Variants in AKAP8 observed in about 807,000 individuals in gnomAD.
AKAP8 encodes A-kinase anchor protein 8.
In AKAP8, 24 loss-of-function variants were observed where a neutral mutation model predicts 67.5. The ratio of observed to expected loss-of-function variants is 0.36; its 90% CI spans 0.26 to 0.50. The LOEUF (loss-of-function observed/expected upper bound fraction) is 0.50. Among genes scored for constraint, AKAP8 ranks in the 20% least tolerant of loss-of-function variants. AKAP8 has a pLI of 0.97. For synonymous variants in AKAP8, 400 were observed against 371.1 expected (o/e 1.08, Z -0.90); for missense variants, 971 against 955.9 (o/e 1.02, Z -0.21).
chr19:15,359,026 C>T lies in AKAP8; in HGVS notation c.1564G>A (p.Val522Met), dbSNP rs764149757. The T allele has an allele frequency of 6.2e-7, 1 of 1,614,224 alleles. No individual in the cohort carries two copies. The highest frequency in any genetic ancestry group is 1.1e-5 in the South Asian group (1 of 91,084). The change falls in exon 13 of 14, where the codon GTG (valine) becomes ATG (methionine). Residue 522 changes from valine (V) to methionine (M), a missense_variant. Transcript: ENST00000269701. ...AEQFKKTSLH[V>M]AKSVLNNRHI... The stretch of plus-strand genomic sequence containing the variant: ...CTGTTGTTCAAAACACTCTTAGCCA[C>T]ATGGAGACTGGTTTTCTTGAACTGT...
chr19:15,356,713 T>C (rs996166555), intron 13 of AKAP8, among the ~76,000 whole-genome samples: 15 of 152,208 alleles, frequency 9.9e-5, no homozygotes, highest in African/African-American at 3.6e-4. Context: ...GAAACATGTT[T>C]TAAAATATGA....
chr19:15,375,890 G>A (rs1033194589), intron 2 of AKAP8, among the ~76,000 whole-genome samples: 101 of 151,636 alleles, frequency 6.7e-4, no homozygotes, highest in Middle Eastern at 3.4e-3. Context: ...TGCCCGCCTC[G>A]GCCTCCCAAA....
intron 4 of AKAP8, chr19:15,373,580 G>A (rs1385500721): frequency 4.2e-5 from 38 of 913,234 alleles, no homozygotes; most frequent in Non-Finnish European, 5.6e-5. Context: ...GGGGAGCTTA[G>A]CCAACAACCA....
At chr19:15,376,062 C>T (rs906600762) in intron 2 of AKAP8, among the ~76,000 whole-genome samples, 2 of 151,842 alleles carry the variant, frequency 1.3e-5, no homozygotes, top group African/African-American at 2.4e-5. Context: ...TCTGAGTGGC[C>T]GGGACTACAG....
intron 9 of AKAP8, among the ~76,000 whole-genome samples, chr19:15,366,420 C>T (rs1034080332): frequency 6.6e-6 from 1 of 152,072 alleles, no homozygotes; most frequent in African/African-American, 2.4e-5. Flanking sequence ...TGTTCCTGTA[C>T]CACTTAAGAA....
intron 2 of AKAP8, among the ~76,000 whole-genome samples, chr19:15,375,642 G>GTTTT (rs58762120): frequency 2.1e-5 from 3 of 142,464 alleles, no homozygotes; most frequent in African/African-American, 2.6e-5. Flanking sequence ...TTTTTTTTTT[G>GTTTT]TTTTTTTTTT....
At position 15,359,045 on chromosome 19, in the gene AKAP8, G is replaced by T; in HGVS notation, c.1545C>A (p.Phe515Leu). 1 of 1,614,144 alleles carries T rather than the reference G, an allele frequency of 6.2e-7. No homozygotes were observed. The highest frequency in any genetic ancestry group is 8.5e-7 in the Non-Finnish European group (1 of 1,180,022). ...TAGCCACATGGAGACTGGTTTTCTT[G>T]AACTGTTCAGCAGCCAACTGCAAAG... is the stretch of plus-strand genomic sequence containing the variant. ...NHNRRLAAEQ[F>L]KKTSLHVAKS... is the part of the protein sequence containing the mutation. The change falls in exon 13 of 14, where the codon TTC becomes TTA. Residue 515 changes from phenylalanine to leucine, a missense_variant. Transcript: ENST00000269701.
At position 15,375,782 on chromosome 19, in the gene AKAP8, G is replaced by A. The variant is rs540239256; in HGVS notation, c.59-1147C>T. On this transcript the variant is annotated intron_variant, in intron 2 of 13. Coordinates refer to ENST00000269701, the MANE Select transcript of AKAP8 (RefSeq NM_005858.4). ...CTCCGGAGTAGCTGGGACTACAGGCGCCCGCCACCGCGCCCGGCTAATTTT... is the reference window on the plus strand; with the variant it reads ...CTCCGGAGTAGCTGGGACTACAGGCACCCGCCACCGCGCCCGGCTAATTTT... Among the ~76,000 whole-genome samples, 7 of 151,834 alleles carry A rather than the reference G, an allele frequency of 4.6e-5. No individual in the cohort carries two copies. The South Asian group carries it at 6.2e-4, about 14-fold the overall frequency.
At chr19:15,360,459 C>T (rs1966946735) in intron 12 of AKAP8, among the ~76,000 whole-genome samples, 2 of 152,188 alleles carry the variant, frequency 1.3e-5, no homozygotes, top group Admixed American at 6.5e-5. Flanking sequence ...CAACACTTGA[C>T]CCCTGGGCTC....
At chr19:15,372,557 T>A (rs1967177405) in intron 5 of AKAP8, among the ~76,000 whole-genome samples, 1 of 151,888 alleles carries the variant, frequency 6.6e-6, no homozygotes, top group South Asian at 2.1e-4. Context: ...CGACTCCATT[T>A]GTGCAAAATG....
rs1599566218 is a variant in AKAP8, at chr19:15,368,832, T to G, written c.1073-510A>C. On this transcript the variant is annotated intron_variant, in intron 8 of 13. Transcript: ENST00000269701. ...AGGGCCTCAGCAGGTCTGACAGTCC[T>G]TGCTGGCCCGACCTCTATCTTCCAC... The G allele has an allele frequency of 1.5e-5, 15 of 985,276 alleles. No homozygotes were observed. In the South Asian group the frequency reaches 5.6e-4, roughly 37 times the overall value. 61.0% of individuals were successfully genotyped at this position (985,276 alleles called of 1,614,324 possible).
intron 1 of AKAP8, 44 bp from the exon 2 acceptor site, chr19:15,377,058 G>A (rs1023143867): frequency 2.9e-5 from 47 of 1,601,672 alleles, no homozygotes; most frequent in Non-Finnish European, 3.7e-5. Flanking sequence ...TGTCACACCA[G>A]AGAACGGGTC....
At chr19:15,370,056 C>T in intron 8 of AKAP8, 90 bp downstream of exon 8, 1 of 1,529,716 alleles carries the variant, frequency 6.5e-7, no homozygotes, top group Non-Finnish European at 9.1e-7. Flanking sequence ...GCCCCTCCAT[C>T]CAGGCCCCTG....
At position 15,374,094 on chromosome 19, in the gene AKAP8, C is replaced by CT. The variant is rs1967210507; in HGVS notation, c.92-30dup. 2.0e-6 allele frequency: 3 copies of CT among 1,526,654 alleles called. No individual in the cohort carries two copies. In the African/African-American group the frequency reaches 4.2e-5, roughly 21 times the overall value. 94.6% of individuals were successfully genotyped at this position (1,526,654 alleles called of 1,614,324 possible). ...TCACAGGGGGAGGAGCCAAGTCAGACTTCAGCAGCCACGAGGCCTGTCCAT... is the reference window on the plus strand; with the variant it reads ...TCACAGGGGGAGGAGCCAAGTCAGACTTTCAGCAGCCACGAGGCCTGTCCAT... On this transcript the variant is annotated intron_variant, in intron 3 of 13. Coordinates refer to ENST00000269701, the MANE Select transcript of AKAP8 (RefSeq NM_005858.4).
At chr19:15,363,331 GCCGC>G (rs1209612264) in intron 9 of AKAP8, among the ~76,000 whole-genome samples, 4 of 114,768 alleles carry the variant, frequency 3.5e-5, no homozygotes, top group Non-Finnish European at 7.1e-5. Context: ...TGCCCGGCCA[GCCGC>G]TCCGTCCGGG....
At chr19:15,355,884 G>A (rs1043605891) in intron 13 of AKAP8, among the ~76,000 whole-genome samples, 3 of 151,896 alleles carry the variant, frequency 2.0e-5, no homozygotes, top group African/African-American at 7.3e-5. Context: ...TTACAGGCAG[G>A]AGCCACCACG....
In AKAP8 at chr19:15,378,186, A is replaced by C. The variant is rs543659569; in HGVS notation, c.20-1172T>G. On this transcript the variant is annotated intron_variant, in intron 1 of 13. Transcript: ENST00000269701. ...GAGACTTGACCCAGTCATACTGCTG[A>C]GTTTTGCCCTCTGCTATGCTACGCC... 5.3e-5 allele frequency among the ~76,000 whole-genome samples: 8 copies of C among 152,332 alleles called. No individual in the cohort carries two copies. In the East Asian group the frequency reaches 1.3e-3, roughly 26 times the overall value.
chr19:15,376,793 G>A (rs991661663), intron 2 of AKAP8, among the ~76,000 whole-genome samples, 183 bp downstream of exon 2: 1 of 152,154 alleles, frequency 6.6e-6, no homozygotes, highest in African/African-American at 2.4e-5. Flanking sequence ...ATTTATGACT[G>A]CTTTCCTGCT....
intron 2 of AKAP8, among the ~76,000 whole-genome samples, chr19:15,375,213 G>GCA (rs1232899651): frequency 1.3e-5 from 2 of 152,184 alleles, no homozygotes; most frequent in African/African-American, 2.4e-5. Flanking sequence ...CTGGCAGAAA[G>GCA]GAGAAAGCCT....
Sources: gnomAD v4.1 joint callset for allele counts (sites outside exome capture counted in the v4.1 genomes callset) on GRCh38, gnomAD v4.1.1 for gene constraint, MANE v1.5 for transcripts, NCBI Gene and HGNC (gene_info 2026-07-23, HGNC 2026-07-21) for gene names.